Variants in FAM193A observed in about 807,000 individuals in gnomAD.
FAM193A encodes the protein family with sequence similarity 193 member A, also known as protein FAM193A.
A neutral mutation model predicts 126.5 loss-of-function variants in FAM193A; 22 were observed. The ratio of observed to expected loss-of-function variants is 0.17; its 90% CI spans 0.12 to 0.25. The LOEUF (loss-of-function observed/expected upper bound fraction) is 0.25, where lower values mean the gene tolerates loss of function less well. Ranked by LOEUF, FAM193A falls within the 10% of genes least tolerant of loss-of-function variation. The probability of loss-of-function intolerance (pLI) is 1.00; values close to 1 mark genes in which losing one functional copy is unlikely to be tolerated. For synonymous variants in FAM193A, 761 were observed against 646.8 expected, an observed-to-expected ratio of 1.18 and a Z score of -2.68; for missense variants, 1,675 against 1,672.8, an observed-to-expected ratio of 1.00 and a Z score of -0.02.
intron 1 of FAM193A, among the ~76,000 whole-genome samples, chr4:2,540,755 G>A (rs1737183562): frequency 6.6e-6 from 1 of 152,108 alleles, no homozygotes; most frequent in Non-Finnish European, 1.5e-5. Flanking sequence ...GAGGTTAGGA[G>A]TTCCAGACCA....
intron 1 of FAM193A, among the ~76,000 whole-genome samples, chr4:2,571,701 A>G (rs1739301587): frequency 6.6e-6 from 1 of 151,466 alleles, no homozygotes; most frequent in Non-Finnish European, 1.5e-5. Flanking sequence ...CACCAAGCCC[A>G]GCTAATTTTT....
chr4:2,706,264 T>TTTG (rs1467603757), intron 19 of FAM193A, among the ~76,000 whole-genome samples: 1 of 151,744 alleles, frequency 6.6e-6, no homozygotes, highest in African/African-American at 2.4e-5. Context: ...AGATGCCACC[T>TTTG]TTGTCCTACA....
At chr4:2,730,907 C>T (rs918941366) in intron 20 of FAM193A, among the ~76,000 whole-genome samples, 4 of 151,530 alleles carry the variant, frequency 2.6e-5, no homozygotes, top group African/African-American at 9.7e-5. Flanking sequence ...TAAAAATTAG[C>T]TAGGTGTGGC....
At chr4:2,652,790 G>A (rs765406514) in intron 7 of FAM193A, among the ~76,000 whole-genome samples, 2 of 152,228 alleles carry the variant, frequency 1.3e-5, no homozygotes, top group Non-Finnish European at 2.9e-5. Context: ...AGTTTCTGAG[G>A]TTGTGAATAA....
intron 20 of FAM193A, among the ~76,000 whole-genome samples, chr4:2,723,503 G>C (rs1406187817): frequency 6.6e-6 from 1 of 151,762 alleles, no homozygotes; most frequent in Non-Finnish European, 1.5e-5. Flanking sequence ...GAACCCAGGA[G>C]GCGGAGGTTG....
chr4:2,538,089 T>C (rs1736998252), intron 1 of FAM193A, among the ~76,000 whole-genome samples: 1 of 152,232 alleles, frequency 6.6e-6, no homozygotes, highest in South Asian at 2.1e-4. Context: ...AGTTGCGTTC[T>C]TATAATGTTA....
chr4:2,561,837 C>A (rs1022125637), intron 1 of FAM193A, among the ~76,000 whole-genome samples: 2 of 152,158 alleles, frequency 1.3e-5, no homozygotes, highest in African/African-American at 4.8e-5. Context: ...TTATCAGTAA[C>A]CCTCTAACAT....
chr4:2,552,687 A>G lies in FAM193A; in HGVS notation c.255+15517A>G, dbSNP rs376923577. On this transcript the variant is annotated intron_variant, in intron 1 of 20. Coordinates refer to ENST00000637812, the MANE Select transcript of FAM193A (RefSeq NM_001366318.2). ...TGAGTAGCTGGGACTACAGGCGCCC[A>G]CCACCATTCCTGGCTAATTTTTTGT... Among the ~76,000 whole-genome samples the G allele has an allele frequency of 4.2e-4, 64 of 150,630 alleles. No homozygotes were observed. In the East Asian group the frequency reaches 6.2e-3, roughly 15 times the overall value.
intron 20 of FAM193A, among the ~76,000 whole-genome samples, chr4:2,717,982 A>G (rs1207147308): frequency 6.6e-6 from 1 of 152,172 alleles, no homozygotes; most frequent in Non-Finnish European, 1.5e-5. Context: ...ACACAGAACT[A>G]AAAAGATAAT....
chr4:2,657,690 T>C, intron 7 of FAM193A, 113 bp from the exon 8 acceptor site: 1 of 660,170 alleles, frequency 1.5e-6, no homozygotes, highest in East Asian at 2.6e-5. Flanking sequence ...TTGCAGATGA[T>C]GTTTCTCTCA....
rs566227606 is a variant in FAM193A, at chr4:2,631,024, G to A, written c.893G>A (p.Arg298Gln). The A allele has an allele frequency of 2.4e-5, 39 of 1,613,552 alleles. No individual in the cohort carries two copies. The highest frequency in any genetic ancestry group is 1.6e-4 in the South Asian group (15 of 91,080). The change falls in exon 5 of 21, where the codon CGG (arginine) becomes CAG (glutamine). Residue 298 changes from arginine to glutamine, a missense_variant. By Grantham distance (43) the Arg-to-Gln change is conservative. Coordinates refer to ENST00000637812, the MANE Select transcript of FAM193A (RefSeq NM_001366318.2). ...CTGGAGATGAAGGTCCGCCTGCTCC[G>A]GCAGCTGTCGGCTGCGGCCAAGGTG... ...YVLEMKVRLL[R>Q]QLSAAAKVKA...
At chr4:2,593,755 A>G (rs1344218106) in intron 1 of FAM193A, among the ~76,000 whole-genome samples, 1 of 152,188 alleles carries the variant, frequency 6.6e-6, no homozygotes, top group Non-Finnish European at 1.5e-5. Context: ...TTCTGTAATT[A>G]AAAGGGCAAG....
Position 2,672,104 on chromosome 4 carries a change from T to A in FAM193A, c.2080-17T>A. ...ATTGTTTCACTAAATAGGTATGTTTTTTTTCTTTCCTCTTAGGCTGAACAA... is the reference window on the plus strand; with the variant it reads ...ATTGTTTCACTAAATAGGTATGTTTATTTTCTTTCCTCTTAGGCTGAACAA... On this transcript the variant is annotated splice_polypyrimidine_tract_variant and intron_variant, in intron 12 of 20. Transcript: ENST00000637812. The A allele has an allele frequency of 1.2e-6, 2 of 1,612,528 alleles. No individual in the cohort carries two copies. The highest frequency in any genetic ancestry group is 1.7e-6 in the Non-Finnish European group (2 of 1,178,782).
chr4:2,696,326 T>A (rs1379100710), intron 17 of FAM193A, 37 bp from the exon 18 acceptor site: 1 of 1,441,560 alleles, frequency 6.9e-7, no homozygotes, highest in Non-Finnish European at 9.6e-7. Flanking sequence ...TATTCAAAAT[T>A]TTTAAAACTT....
At chr4:2,699,445 C>G (rs1577229173) in intron 18 of FAM193A, among the ~76,000 whole-genome samples, 2 of 87,138 alleles carry the variant, frequency 2.3e-5, no homozygotes, top group Admixed American at 1.4e-4. Flanking sequence ...CACCCCCCCC[C>G]CCACACACAC....
intron 13 of FAM193A, 66 bp downstream of exon 13, chr4:2,672,438 A>T (rs963798798): frequency 6.4e-7 from 1 of 1,563,968 alleles, no homozygotes; most frequent in Admixed American, 1.8e-5. Context: ...GTACATAGTC[A>T]AACAAAGAAA....
intron 5 of FAM193A, among the ~76,000 whole-genome samples, chr4:2,633,893 CA>C (rs540771895): frequency 1.1e-3 from 163 of 151,702 alleles, no homozygotes; most frequent in Admixed American, 2.0e-3. Flanking sequence ...AACTCCGTCT[CA>C]AAAAAAAGAT....
upstream of FAM193A, among the ~76,000 whole-genome samples, chr4:2,535,810 A>C (rs1286530519): frequency 2.0e-5 from 3 of 152,132 alleles, no homozygotes; most frequent in Admixed American, 2.0e-4. Context: ...GCTTAACGGG[A>C]TAGCAGGGAG....
intron 19 of FAM193A, among the ~76,000 whole-genome samples, chr4:2,714,232 G>A (rs1368695438): frequency 2.0e-5 from 3 of 152,048 alleles, no homozygotes; most frequent in Admixed American, 1.3e-4. Flanking sequence ...ATCAGCAGAC[G>A]GTGTTCTGTG....
Sources: gnomAD v4.1 joint callset for allele counts (sites outside exome capture counted in the v4.1 genomes callset) on GRCh38, gnomAD v4.1.1 for gene constraint, MANE v1.5 for transcripts, NCBI Gene and HGNC (gene_info 2026-07-23, HGNC 2026-07-21) for gene names.